Variants in PTGDS observed in about 807,000 individuals in gnomAD.
PTGDS encodes prostaglandin D2 synthase.
In PTGDS, 21 loss-of-function variants were observed where a neutral mutation model predicts 28.4. The ratio of observed to expected loss-of-function variants is 0.74; its 90% confidence interval spans 0.52 to 1.07. The LOEUF (loss-of-function observed/expected upper bound fraction) is 1.07, where lower values mean the gene tolerates loss of function less well. Among genes scored for constraint, PTGDS ranks in the 50% least tolerant of loss-of-function variants. PTGDS has a pLI of 0.00. For synonymous variants in PTGDS, 102 were observed against 106.0 expected (o/e 0.96, Z 0.23); for missense variants, 243 against 247.7 (o/e 0.98, Z 0.13).
intron 3 of PTGDS, 39 bp downstream of exon 3, chr9:136,979,338 G>T (rs752796425): frequency 1.3e-6 from 2 of 1,593,998 alleles, no homozygotes; most frequent in South Asian, 1.1e-5. Flanking sequence ...GCCCAGCCTG[G>T]GGGCGACACT....
chr9:136,978,408 G>T (rs897252499), intron 1 of PTGDS, among the ~76,000 whole-genome samples: 2 of 150,292 alleles, frequency 1.3e-5, no homozygotes, highest in Non-Finnish European at 3.0e-5. Context: ...GGGGGTGCTG[G>T]GTGTCAGGGG....
rs371413489 is a variant in PTGDS, at chr9:136,978,901, C to T, written c.115-92C>T. On this transcript the variant is annotated intron_variant, in intron 1 of 6. Coordinates refer to ENST00000371625, the MANE Select transcript of PTGDS (RefSeq NM_000954.6). ...CGTGGGGGCGGGGCCGGGTTGGAGA[C>T]CGGAGGAGTAGACGGCAGAGGCGCC... The T allele has an allele frequency of 1.0e-5, 16 of 1,538,054 alleles. No individual in the cohort carries two copies. The African/African-American group carries it at 2.1e-4, about 20-fold the overall frequency.
In PTGDS at chr9:136,977,624, G is replaced by T; in HGVS notation, c.46G>T (p.Val16Leu). 2 of 1,609,834 alleles carry T rather than the reference G, an allele frequency of 1.2e-6. No homozygotes were observed. The highest frequency in any genetic ancestry group is 8.5e-7 in the Non-Finnish European group (1 of 1,178,774). ...GTGGATGGGACTGGCCCTGCTGGGG[G>T]TGCTGGGCGACCTGCAGGCAGCACC... ...TLWMGLALLG[V>L]LGDLQAAPEA... is the part of the protein sequence containing the mutation. The change falls in exon 1 of 7, where the codon GTG (valine) becomes TTG (leucine). Residue 16 changes from valine to leucine, a missense_variant. Coordinates refer to ENST00000371625, the MANE Select transcript of PTGDS (RefSeq NM_000954.6).
Position 136,980,873 on chromosome 9 carries a change from T to TTCAG in PTGDS, c.*21_*22insGTCA. ...AACAATAGGTGAGCCACTCCATTCA[T>TTCAG]TCATTCATTCATTCATTCATTCATT... On this transcript the variant is annotated intron_variant, in intron 6 of 6. Coordinates refer to ENST00000371625, the MANE Select transcript of PTGDS (RefSeq NM_000954.6). 6.5e-7 allele frequency: 1 copy of TTCAG among 1,550,120 alleles called. No individual in the cohort carries two copies. The highest frequency in any genetic ancestry group is 8.7e-7 in the Non-Finnish European group (1 of 1,144,496).
At chr9:136,980,119 G>C (rs1169452657) in intron 4 of PTGDS, 57 bp downstream of exon 4, 3 of 1,607,690 alleles carry the variant, frequency 1.9e-6, no homozygotes, top group East Asian at 2.2e-5. Context: ...GGCTCCCCAA[G>C]ACCCAGGGCA....
Position 136,977,521 on chromosome 9 carries a change from C to G in PTGDS, c.-58C>G. ...TGCCCTCCGCTCCTCCTGCACACCTCCCTCGCTCTCCCACACCACTGGCAC... is the reference window on the plus strand; with the variant it reads ...TGCCCTCCGCTCCTCCTGCACACCTGCCTCGCTCTCCCACACCACTGGCAC... On this transcript the variant is annotated 5_prime_UTR_variant, in exon 1 of 7. Transcript: ENST00000371625. The G allele has an allele frequency of 2.3e-6, 3 of 1,319,140 alleles. No individual in the cohort carries two copies. In the South Asian group the frequency reaches 4.0e-5, roughly 18 times the overall value. The allele number at this position is 1,319,140 out of a possible 1,614,324, so 81.7% of individuals were successfully genotyped here. A position where few individuals can be genotyped will look rare whatever the true frequency, so the allele number is the denominator to read the frequency against.
chr9:136,979,169 G>C, intron 2 of PTGDS, 37 bp downstream of exon 2: 1 of 1,613,046 alleles, frequency 6.2e-7, no homozygotes, highest in Non-Finnish European at 8.5e-7. Flanking sequence ...GGGACGGAGA[G>C]GTCCAGGGAC....
chr9:136,980,860 G>A lies in PTGDS; in HGVS notation c.*5G>A, dbSNP rs751563770. On this transcript the variant is annotated splice_donor_5th_base_variant and intron_variant, in intron 6 of 6. Transcript: ENST00000371625. ...AAGTGCATGACGGAACAATAGGTGA[G>A]CCACTCCATTCATTCATTCATTCAT... 51 of 1,506,278 alleles carry A rather than the reference G, an allele frequency of 3.4e-5. No individual in the cohort carries two copies. The highest frequency in any genetic ancestry group is 4.5e-5 in the Non-Finnish European group (50 of 1,111,274). The allele number at this position is 1,506,278 out of a possible 1,614,324, so 93.3% of individuals were successfully genotyped here.
rs751343867 is a variant in PTGDS at position 136,979,292 on chromosome 9, G to A, written c.324G>A (p.Arg108=). The A allele has an allele frequency of 6.2e-7, 1 of 1,609,004 alleles. No homozygotes were observed. Among genetic ancestry groups the A allele is most frequent in the East Asian group, 2.2e-5 (1 of 44,864 alleles). ...GGTCCCTCGGCTCCTACAGCTACCG[G>A]AGTCCCCGTGAGTGGGGCCTCCACC... ...PAGSLGSYSY[R]SPHWGSTYSV... Residue 108 remains arginine (R), a synonymous_variant, in exon 3 of 7, where the codon CGG becomes CGA. Coordinates refer to ENST00000371625, the MANE Select transcript of PTGDS (RefSeq NM_000954.6).
chr9:136,980,013 C>A lies in PTGDS; in HGVS notation c.399C>A (p.Ser133Arg). 6.2e-7 allele frequency: 1 copy of A among 1,613,076 alleles called. No individual in the cohort carries two copies. The highest frequency in any genetic ancestry group is 8.5e-7 in the Non-Finnish European group (1 of 1,179,896). ...TDYDQYALLY[S>R]QGSKGPGEDF... Reference sequence around the variant, plus strand: ...ACGACCAGTACGCGCTGCTGTACAGCCAGGGCAGCAAGGGCCCTGGCGAGG... The same window carrying A: ...ACGACCAGTACGCGCTGCTGTACAGACAGGGCAGCAAGGGCCCTGGCGAGG... The change falls in exon 4 of 7, where the codon AGC becomes AGA. Residue 133 changes from serine (S) to arginine (R), a missense_variant. Transcript: ENST00000371625.
At position 136,980,024 on chromosome 9, in the gene PTGDS, AGGGCCCT is replaced by A; in HGVS notation, c.413_419del (p.Gly138AlafsTer20). 1 of 1,612,874 alleles carries A rather than the reference AGGGCCCT, an allele frequency of 6.2e-7. No individual in the cohort carries two copies. The highest frequency in any genetic ancestry group is 8.5e-7 in the Non-Finnish European group (1 of 1,179,846). On this transcript the variant is annotated frameshift_variant, in exon 4 of 7. Coordinates refer to ENST00000371625, the MANE Select transcript of PTGDS (RefSeq NM_000954.6). LOFTEE classifies it high-confidence loss of function. ...GCGCTGCTGTACAGCCAGGGCAGCA[AGGGCCCT>A]GGCGAGGACTTCCGCATGGCCACCC...
At chr9:136,979,684 C>T (rs1057131384) in intron 3 of PTGDS, 11 of 605,998 alleles carry the variant, frequency 1.8e-5, no homozygotes, top group Admixed American at 6.0e-5. Flanking sequence ...TCTTCACTTC[C>T]GGTTCTGGCA....
At chr9:136,979,832 C>G (rs984537681) in intron 3 of PTGDS, 114 bp from the exon 4 acceptor site, 1 of 1,018,926 alleles carries the variant, frequency 9.8e-7, no homozygotes, top group Non-Finnish European at 1.5e-6. Flanking sequence ...GGGAGCATCC[C>G]GGGCCAGCCG....
At chr9:136,978,228 C>A (rs1830395518) in intron 1 of PTGDS, among the ~76,000 whole-genome samples, 1 of 152,136 alleles carries the variant, frequency 6.6e-6, no homozygotes, top group Admixed American at 6.5e-5. Flanking sequence ...AGAGCTGAGC[C>A]GAAGACCCGC....
chr9:136,978,914 C>G (rs768749801), intron 1 of PTGDS, 79 bp from the exon 2 acceptor site: 4 of 1,560,896 alleles, frequency 2.6e-6, no homozygotes, highest in Admixed American at 1.8e-5. Context: ...GAGGAGTAGA[C>G]GGCAGAGGCG....
At chr9:136,981,202 G>A (rs1354413852) in intron 6 of PTGDS, 3 of 335,958 alleles carry the variant, frequency 8.9e-6, no homozygotes, top group East Asian at 1.0e-4. Flanking sequence ...CTGGCTCCTG[G>A]GCTAGGAGGA....
rs771192558 is a variant in PTGDS at position 136,980,175 on chromosome 9, T to G, written c.449-8T>G. On this transcript the variant is annotated splice_region_variant and splice_polypyrimidine_tract_variant and intron_variant, in intron 4 of 6. Coordinates refer to ENST00000371625, the MANE Select transcript of PTGDS (RefSeq NM_000954.6). ...GCTGAGGCCAGCTCCGTCTCCACCCTGTCCCAGGCCGAACCCAGACCCCCA... is the reference window on the plus strand; with the variant it reads ...GCTGAGGCCAGCTCCGTCTCCACCCGGTCCCAGGCCGAACCCAGACCCCCA... The G allele has an allele frequency of 5.0e-6, 8 of 1,613,568 alleles. No homozygotes were observed. The South Asian group carries it at 8.8e-5, about 18-fold the overall frequency.
At chr9:136,980,692 G>C (rs753695186) in intron 5 of PTGDS, 141 bp from the exon 6 acceptor site, 1 of 1,602,102 alleles carries the variant, frequency 6.2e-7, no homozygotes, top group Non-Finnish European at 8.5e-7. Flanking sequence ...CCCAGGGAGA[G>C]GTGGGAGGTG....
chr9:136,978,753 G>A, intron 1 of PTGDS: 1 of 476,200 alleles, frequency 2.1e-6, no homozygotes, highest in South Asian at 2.0e-5. Flanking sequence ...GGGATGTGAG[G>A]GGCGTGGTCA....
Sources: gnomAD v4.1 joint callset for allele counts (sites outside exome capture counted in the v4.1 genomes callset) on GRCh38, gnomAD v4.1.1 for gene constraint, MANE v1.5 for transcripts, NCBI Gene and HGNC (gene_info 2026-07-23, HGNC 2026-07-21) for gene names.